Variants in RASGRF2 observed in about 807,000 individuals in gnomAD.
The protein encoded by RASGRF2 is Ras protein specific guanine nucleotide releasing factor 2, also known as ras-specific guanine nucleotide-releasing factor 2.
RASGRF2 carries 76 observed loss-of-function variants against 151.0 expected under a neutral mutation model. The ratio of observed to expected loss-of-function variants is 0.50; its 90% CI spans 0.42 to 0.61. RASGRF2 has a LOEUF of 0.61. RASGRF2 is among the 20% of genes least tolerant of loss of function. The pLI is 0.00. For synonymous variants in RASGRF2, 504 were observed against 566.5 expected, an observed-to-expected ratio of 0.89 and a Z score of 1.57; for missense variants, 1,148 against 1,564.6, an observed-to-expected ratio of 0.73 and a Z score of 4.49.
intron 17 of RASGRF2, among the ~76,000 whole-genome samples, chr5:81,163,453 A>T (rs1754433732): frequency 6.6e-6 from 1 of 152,236 alleles, no homozygotes; most frequent in South Asian, 2.1e-4. Flanking sequence ...GTATAAATAT[A>T]TTGGGGAAAT....
At chr5:81,024,068 C>T (rs184155575) in intron 1 of RASGRF2, among the ~76,000 whole-genome samples, 1 of 152,092 alleles carries the variant, frequency 6.6e-6, no homozygotes, top group African/African-American at 2.4e-5. Context: ...CTAAAGACAG[C>T]TGTCATTTAT....
chr5:81,045,790 T>A (rs982819299), intron 2 of RASGRF2, among the ~76,000 whole-genome samples: 1 of 152,212 alleles, frequency 6.6e-6, no homozygotes. Flanking sequence ...AAGAAAACTT[T>A]TTTATCTAAG....
At chr5:81,023,994 G>T (rs72769258) in intron 1 of RASGRF2, among the ~76,000 whole-genome samples, 1 of 151,964 alleles carries the variant, frequency 6.6e-6, no homozygotes, top group Non-Finnish European at 1.5e-5. Flanking sequence ...TTGTCTTTTC[G>T]TAAGCGTTAT....
chr5:81,207,089 G>A (rs1437901215), intron 20 of RASGRF2, among the ~76,000 whole-genome samples, 157 bp from the exon 21 acceptor site: 3 of 152,204 alleles, frequency 2.0e-5, no homozygotes, highest in African/African-American at 7.2e-5. Flanking sequence ...ATTCATGTTG[G>A]CTTTGATACT....
intron 17 of RASGRF2, among the ~76,000 whole-genome samples, chr5:81,155,831 A>G (rs1293539635): frequency 6.6e-6 from 1 of 152,168 alleles, no homozygotes; most frequent in African/African-American, 2.4e-5. Context: ...GAGTCGGGTT[A>G]TGGAAATTAT....
At chr5:81,103,656 C>T (rs1000371317) in intron 12 of RASGRF2, among the ~76,000 whole-genome samples, 23 of 151,812 alleles carry the variant, frequency 1.5e-4, no homozygotes, top group Non-Finnish European at 8.8e-5. Flanking sequence ...CTAGACACGT[C>T]GAGGTAAAAC....
intron 19 of RASGRF2, among the ~76,000 whole-genome samples, chr5:81,203,696 G>A (rs1464931062): frequency 2.0e-5 from 3 of 152,090 alleles, no homozygotes; most frequent in African/African-American, 2.4e-5. Context: ...GTTCTCAACC[G>A]GTCCAAACCT....
intron 12 of RASGRF2, among the ~76,000 whole-genome samples, chr5:81,098,055 C>T (rs1752596159): frequency 6.6e-6 from 1 of 152,120 alleles, no homozygotes; most frequent in Non-Finnish European, 1.5e-5. Context: ...GAGCCTAGGC[C>T]AGCATGGCAG....
intron 1 of RASGRF2, among the ~76,000 whole-genome samples, chr5:81,037,704 G>T (rs1316604629): frequency 4.6e-5 from 7 of 152,102 alleles, no homozygotes; most frequent in African/African-American, 1.7e-4. Context: ...AATGTTAAAA[G>T]GTGCACGTAG....
chr5:80,995,693 C>CCCCCCT (rs58481061), intron 1 of RASGRF2, among the ~76,000 whole-genome samples: 1 of 97,334 alleles, frequency 1.0e-5, no homozygotes, highest in African/African-American at 3.8e-5. Flanking sequence ...TTCCCCCCCC[C>CCCCCCT]TTTTTTTTTT....
At chr5:81,055,933 A>G (rs1751192442) in intron 2 of RASGRF2, among the ~76,000 whole-genome samples, 1 of 152,092 alleles carries the variant, frequency 6.6e-6, no homozygotes, top group Non-Finnish European at 1.5e-5. Flanking sequence ...TGTTTATAGT[A>G]TTCTCTGGTG....
chr5:81,123,689 C>T lies in RASGRF2; in HGVS notation c.2518C>T (p.Pro840Ser), dbSNP rs1211284659. 1.2e-6 allele frequency: 2 copies of T among 1,614,006 alleles called. No homozygotes were observed. Residue 840 changes from proline (P) to serine (S), a missense_variant, in exon 16 of 27, where the codon CCT becomes TCT. Physicochemically the swap from Pro to Ser is moderately conservative, Grantham distance 74. Coordinates refer to ENST00000265080, the MANE Select transcript of RASGRF2 (RefSeq NM_006909.3). ...GGACCGAGCAGGAGTGGAAAGCTCC[C>T]CTGCAGCGGACACCACAGAACTTTC... ...PADRAGVESS[P>S]AADTTELSPC...
chr5:81,013,348 A>G (rs1207446110), intron 1 of RASGRF2, among the ~76,000 whole-genome samples: 1 of 152,000 alleles, frequency 6.6e-6, no homozygotes, highest in Non-Finnish European at 1.5e-5. Flanking sequence ...ACCTTTTTCC[A>G]TACTTTCTCC....
chr5:81,015,057 T>C (rs888209287), intron 1 of RASGRF2, among the ~76,000 whole-genome samples: 4 of 152,108 alleles, frequency 2.6e-5, no homozygotes, highest in Non-Finnish European at 5.9e-5. Flanking sequence ...AGTGTTGGAT[T>C]ACAGGTGTGA....
intron 18 of RASGRF2, among the ~76,000 whole-genome samples, chr5:81,184,726 C>T (rs775183653): frequency 6.6e-6 from 1 of 152,206 alleles, no homozygotes; most frequent in East Asian, 1.9e-4. Context: ...AATCTCCTCC[C>T]CAAAGGAGTT....
intron 5 of RASGRF2, among the ~76,000 whole-genome samples, chr5:81,078,752 AG>A (rs1752007121): frequency 2.0e-5 from 3 of 152,228 alleles, no homozygotes; most frequent in Admixed American, 2.0e-4. Context: ...CAAAATATGA[AG>A]GTAGATGTAT....
chr5:81,074,217 T>C (rs929567616), intron 5 of RASGRF2, among the ~76,000 whole-genome samples: 14 of 152,158 alleles, frequency 9.2e-5, no homozygotes, highest in African/African-American at 3.4e-4. Context: ...ATGCCTGCCT[T>C]TATGGAACTT....
chr5:80,984,426 G>C (rs893098498), intron 1 of RASGRF2, among the ~76,000 whole-genome samples: 2 of 152,150 alleles, frequency 1.3e-5, no homozygotes, highest in African/African-American at 4.8e-5. Flanking sequence ...TTTGTGTTTT[G>C]TTGACACCTA....
chr5:81,082,111 T>A (rs988950918), intron 7 of RASGRF2, among the ~76,000 whole-genome samples: 22 of 152,224 alleles, frequency 1.4e-4, no homozygotes, highest in African/African-American at 4.6e-4. Context: ...GTCAGTTGAA[T>A]ATACAAAGGT....
Sources: allele counts gnomAD v4.1 joint callset (sites outside exome capture counted in the v4.1 genomes callset), GRCh38; gene constraint gnomAD v4.1.1; transcripts MANE v1.5; gene names NCBI Gene and HGNC (gene_info 2026-07-23, HGNC 2026-07-21).